CNGB1: variants seen among roughly 807,000 people sequenced by gnomAD.
The protein encoded by CNGB1 is cyclic nucleotide gated channel subunit beta 1, also known as cyclic nucleotide-gated channel beta-1.
Under a neutral mutation model 151.7 loss-of-function variants are expected in CNGB1, and 126 were observed. The observed-to-expected ratio is 0.83, with a 90% CI of 0.72 to 0.96. CNGB1 has a LOEUF of 0.96. CNGB1 is among the 40% of genes least tolerant of loss of function. The probability of loss-of-function intolerance (pLI) is 0.00; values close to 1 mark genes in which losing one functional copy is unlikely to be tolerated. For synonymous variants in CNGB1, 623 were observed against 635.1 expected, an observed-to-expected ratio of 0.98 and a Z score of 0.29; for missense variants, 1,698 against 1,627.0, an observed-to-expected ratio of 1.04 and a Z score of -0.75.
rs1962423650 is a variant in CNGB1, at chr16:57,967,260, C to T, written c.27G>A (p.Leu9=). 1.2e-6 allele frequency: 2 copies of T among 1,614,226 alleles called. No individual in the cohort carries two copies. The highest frequency in any genetic ancestry group is 1.7e-6 in the Non-Finnish European group (2 of 1,180,042). Residue 9 remains leucine, a synonymous_variant, in exon 2 of 33, where the codon CTG becomes CTA. Coordinates refer to ENST00000251102, the MANE Select transcript of CNGB1 (RefSeq NM_001297.5). The part of the protein sequence containing the change: MLGWVQRV[L]PQPPGTPRKT... ...TCCGAGGGGTCCCTGGGGGCTGAGG[C>T]AGCACCCTCTGGACCCAGCCCAACA... is the stretch of plus-strand genomic sequence containing the variant.
intron 22 of CNGB1, 135 bp from the exon 23 acceptor site, chr16:57,915,470 G>A: frequency 1.4e-6 from 1 of 731,024 alleles, no homozygotes; most frequent in African/African-American, 1.8e-5. Context: ...AAAACTAGAG[G>A]GCAGAAGGTG....
At chr16:57,921,657 G>A (rs1230761136) in intron 18 of CNGB1, among the ~76,000 whole-genome samples, 4 of 152,126 alleles carry the variant, frequency 2.6e-5, no homozygotes, top group African/African-American at 7.2e-5. Flanking sequence ...CCAGGCTCTC[G>A]CTATTGGAAT....
Position 57,919,274 on chromosome 16 carries a change from A to G in CNGB1, c.1802-20T>C, listed in dbSNP as rs999700730. 7.4e-6 allele frequency: 12 copies of G among 1,613,880 alleles called. No homozygotes were observed. The highest frequency in any genetic ancestry group is 1.0e-5 in the Non-Finnish European group (12 of 1,180,034). Reference sequence around the variant, plus strand: ...CTGGGGCTGTGGGATGACATTGGTGACCATCTGAACCAGCCCTGAGGCCCA... The same window carrying G: ...CTGGGGCTGTGGGATGACATTGGTGGCCATCTGAACCAGCCCTGAGGCCCA... On this transcript the variant is annotated intron_variant, in intron 19 of 32. Transcript: ENST00000251102.
chr16:57,959,162 G>C (rs1366767869), intron 10 of CNGB1, among the ~76,000 whole-genome samples: 1 of 152,110 alleles, frequency 6.6e-6, no homozygotes, highest in African/African-American at 2.4e-5. Flanking sequence ...ACGGGTTATT[G>C]ACTGTGGCAA....
In CNGB1 at chr16:57,960,833, G is replaced by C. The variant is rs16959600; in HGVS notation, c.534+7C>G. ...TCAACTCCCTGCCTCTCCCTTCCTT[G>C]GCTCACCTCAGAGGATTTGGGGGGC... On this transcript the variant is annotated splice_region_variant and intron_variant, in intron 8 of 32. Coordinates refer to ENST00000251102, the MANE Select transcript of CNGB1 (RefSeq NM_001297.5). 5.2e-3 allele frequency: 8,390 copies of C among 1,613,556 alleles called. 337 individuals carry two copies. The African/African-American group carries it at 0.097, about 19-fold the overall frequency.
In CNGB1 at chr16:57,903,882, A is replaced by G; in HGVS notation, c.2734T>C (p.Ser912Pro). 1.2e-6 allele frequency: 2 copies of G among 1,614,104 alleles called. No homozygotes were observed. The highest frequency in any genetic ancestry group is 1.7e-6 in the Non-Finnish European group (2 of 1,180,022). Residue 912 changes from serine (S) to proline (P), a missense_variant, in exon 27 of 33, where the codon TCC (serine) becomes CCC (proline). Ser to Pro is a moderately conservative substitution (Grantham distance 74). Coordinates refer to ENST00000251102, the MANE Select transcript of CNGB1 (RefSeq NM_001297.5). ...CAGGTCTTGACGCGGTTCTGCACGG[A>G]CTTGGGGATCTTGTAGAAATTCATG... ...KYMNFYKIPK[S>P]VQNRVKTWYE...
At chr16:57,893,672 C>A (rs1449506085) in intron 31 of CNGB1, among the ~76,000 whole-genome samples, 1 of 152,058 alleles carries the variant, frequency 6.6e-6, no homozygotes, top group African/African-American at 2.4e-5. Context: ...GTGGCATGTG[C>A]CTGCAGTAGT....
intron 25 of CNGB1, among the ~76,000 whole-genome samples, chr16:57,908,788 C>T (rs1325612562): frequency 1.3e-5 from 2 of 152,228 alleles, no homozygotes; most frequent in South Asian, 4.1e-4. Flanking sequence ...CCTCCCTCCC[C>T]TAGGTCAAGC....
chr16:57,909,479 G>A (rs577843423), intron 25 of CNGB1, among the ~76,000 whole-genome samples: 1 of 152,210 alleles, frequency 6.6e-6, no homozygotes, highest in East Asian at 1.9e-4. Context: ...TCCCCCTTCC[G>A]GGTTCCAGCG....
chr16:57,903,813 C>T lies in CNGB1; in HGVS notation c.2794+9G>A. On this transcript the variant is annotated intron_variant, in intron 27 of 32. Coordinates refer to ENST00000251102, the MANE Select transcript of CNGB1 (RefSeq NM_001297.5). ...GGAGCTGGTGGCTGCCAGGGCGTGACCATCTTACCCAGCATGCCTTGCGAG... is the reference window on the plus strand; with the variant it reads ...GGAGCTGGTGGCTGCCAGGGCGTGATCATCTTACCCAGCATGCCTTGCGAG... 6.2e-7 allele frequency: 1 copy of T among 1,613,990 alleles called. No individual in the cohort carries two copies. The highest frequency in any genetic ancestry group is 1.1e-5 in the South Asian group (1 of 91,058).
rs778795597 is a variant in CNGB1 at position 57,939,457 on chromosome 16, C to G, written c.1345G>C (p.Ala449Pro). The G allele has an allele frequency of 6.2e-7, 1 of 1,614,164 alleles. No individual in the cohort carries two copies. The highest frequency in any genetic ancestry group is 8.5e-7 in the Non-Finnish European group (1 of 1,180,018). Residue 449 changes from alanine to proline, a missense_variant, in exon 16 of 33, where the codon GCT becomes CCT. Physicochemically the swap from Ala to Pro is conservative, Grantham distance 27. Transcript: ENST00000251102. ...CCTGAACTGGCAGCCTCGGCCTCAG[C>G]CTCAGGCTCCTCCTTGGTCTCCGCC... ...DWAETKEEPE[A>P]EAEAASSGVP... is the part of the protein sequence containing the mutation.
At chr16:57,966,627 A>C (rs1962405497) in intron 2 of CNGB1, among the ~76,000 whole-genome samples, 1 of 152,226 alleles carries the variant, frequency 6.6e-6, no homozygotes, top group African/African-American at 2.4e-5. Context: ...TTAGCTACAG[A>C]GTAGATTTAC....
intron 17 of CNGB1, among the ~76,000 whole-genome samples, chr16:57,925,629 G>A (rs1471700761): frequency 6.6e-6 from 1 of 152,160 alleles, no homozygotes; most frequent in Non-Finnish European, 1.5e-5. Context: ...AAAGTAAAAT[G>A]GTGGAGCTGA....
At chr16:57,944,808 G>T (rs1386906124) in intron 14 of CNGB1, among the ~76,000 whole-genome samples, 1 of 151,754 alleles carries the variant, frequency 6.6e-6, no homozygotes, top group Non-Finnish European at 1.5e-5. Flanking sequence ...ACAAAAATTA[G>T]CCAGGCACAG....
chr16:57,938,761 G>T (rs1040202242), intron 16 of CNGB1, among the ~76,000 whole-genome samples: 1 of 152,172 alleles, frequency 6.6e-6, no homozygotes, highest in Non-Finnish European at 1.5e-5. Context: ...TGTAAGGCAC[G>T]CAACACCTGC....
chr16:57,965,492 C>T (rs1379062028), intron 2 of CNGB1, among the ~76,000 whole-genome samples: 1 of 152,182 alleles, frequency 6.6e-6, no homozygotes, highest in Non-Finnish European at 1.5e-5. Context: ...AGTATACACA[C>T]ATATGCTCAG....
chr16:57,912,730 G>A (rs914223540), intron 24 of CNGB1, among the ~76,000 whole-genome samples, 200 bp downstream of exon 24: 5 of 151,236 alleles, frequency 3.3e-5, no homozygotes, highest in African/African-American at 1.2e-4. Context: ...TATGTGTTGT[G>A]TGTTGTGTGT....
Position 57,959,873 on chromosome 16 carries a change from T to C in CNGB1, c.761+15A>G, listed in dbSNP as rs187864931. ...CTGCTCCCTGGTGGGAGGCGCTGCA[T>C]TGAGGGTGGCTCACCTGGCAGGGTC... On this transcript the variant is annotated intron_variant, in intron 10 of 32. Transcript: ENST00000251102. 3.9e-4 allele frequency: 591 copies of C among 1,508,576 alleles called. 4 individuals carry two copies. In the African/African-American group the frequency reaches 7.6e-3, roughly 19 times the overall value. 93.4% of individuals were successfully genotyped at this position (1,508,576 alleles called of 1,614,324 possible).
Position 57,901,567 on chromosome 16 carries a change from G to A in CNGB1, c.2853C>T (p.Asp951=), listed in dbSNP as rs7190978. The A allele has an allele frequency of 8.1e-6, 13 of 1,614,046 alleles. No individual in the cohort carries two copies. In the African/African-American group the frequency reaches 1.1e-4, roughly 13 times the overall value. The change falls in exon 28 of 33, where the codon GAC becomes GAT. Residue 951 remains aspartate, a synonymous_variant. Coordinates refer to ENST00000251102, the MANE Select transcript of CNGB1 (RefSeq NM_001297.5). The part of the protein sequence containing the change: ...PDKMRLDLAI[D]VNYNIVSKVA... Reference sequence around the variant, plus strand: ...CTTTGCTAACGATGTTGTAGTTCACGTCGATGGCGAGGTCCAGCCGCATCT... The same window carrying A: ...CTTTGCTAACGATGTTGTAGTTCACATCGATGGCGAGGTCCAGCCGCATCT...
Sources: gnomAD v4.1 joint callset for allele counts (sites outside exome capture counted in the v4.1 genomes callset) on GRCh38, gnomAD v4.1.1 for gene constraint, MANE v1.5 for transcripts, NCBI Gene and HGNC (gene_info 2026-07-23, HGNC 2026-07-21) for gene names.